The following TG variants were observed in gnomAD, a reference collection of about 807,000 sequenced individuals.
The protein encoded by TG is thyroglobulin, also known as thyroid hormones.
In TG, 270 loss-of-function variants were observed where a neutral mutation model predicts 324.7. The observed-to-expected ratio is 0.83, with a 90% confidence interval of 0.75 to 0.92. The LOEUF (loss-of-function observed/expected upper bound fraction) is 0.92. Among genes scored for constraint, TG ranks in the 40% least tolerant of loss-of-function variants. The probability of loss-of-function intolerance (pLI) is 0.00; values close to 1 mark genes in which losing one functional copy is unlikely to be tolerated. For synonymous variants in TG, 1,401 were observed against 1,327.0 expected (o/e 1.06, Z -1.21); for missense variants, 3,591 against 3,456.4 (o/e 1.04, Z -0.98).
intron 41 of TG, 66 bp from the exon 42 acceptor site, chr8:133,094,978 G>C: frequency 6.2e-7 from 1 of 1,608,068 alleles, no homozygotes; most frequent in Admixed American, 1.7e-5. Context: ...TGGCACTGAG[G>C]ACTCCAGGTG....
intron 22 of TG, 89 bp downstream of exon 22, chr8:132,923,597 G>T (rs1821410655): frequency 1.4e-6 from 2 of 1,437,958 alleles, no homozygotes; most frequent in Admixed American, 5.0e-5. Flanking sequence ...AGCTGGAGGT[G>T]CATTTGTCTC....
chr8:133,062,670 C>T (rs564997090), intron 41 of TG, among the ~76,000 whole-genome samples: 1 of 151,736 alleles, frequency 6.6e-6, no homozygotes, highest in Admixed American at 6.6e-5. Context: ...AGAGGCCGCT[C>T]TGCACAGGCC....
intron 41 of TG, among the ~76,000 whole-genome samples, chr8:133,042,940 C>G (rs961875828): frequency 4.6e-5 from 7 of 151,342 alleles, no homozygotes; most frequent in African/African-American, 1.7e-4. Context: ...GCGATCCGCC[C>G]ACCTCAGCCT....
intron 43 of TG, among the ~76,000 whole-genome samples, chr8:133,109,192 A>G (rs1850068587): frequency 6.6e-6 from 1 of 152,130 alleles, no homozygotes; most frequent in Admixed American, 6.5e-5. Flanking sequence ...ATTTTCTATT[A>G]TAATCTGATT....
chr8:132,980,973 G>A (rs934920848), intron 34 of TG, among the ~76,000 whole-genome samples: 2 of 152,166 alleles, frequency 1.3e-5, no homozygotes, highest in Non-Finnish European at 2.9e-5. Flanking sequence ...GCCAGCAGAA[G>A]ACTTTATGCT....
intron 43 of TG, among the ~76,000 whole-genome samples, chr8:133,101,067 A>G (rs561302186): frequency 4.6e-5 from 7 of 152,220 alleles, no homozygotes; most frequent in South Asian, 2.1e-4. Context: ...TCTGACCCCA[A>G]TTGCAGGGCA....
chr8:133,117,937 A>C (rs1850830316), intron 45 of TG, among the ~76,000 whole-genome samples: 1 of 152,196 alleles, frequency 6.6e-6, no homozygotes, highest in Non-Finnish European at 1.5e-5. Context: ...CTACAAAATA[A>C]GACTAAAGTT....
chr8:133,028,443 G>A (rs1477831607), intron 40 of TG, among the ~76,000 whole-genome samples: 1 of 152,198 alleles, frequency 6.6e-6, no homozygotes, highest in East Asian at 1.9e-4. Flanking sequence ...GCTAAGTGGA[G>A]TGCTCAGGCA....
In TG at chr8:132,886,117, A is replaced by G. The variant is rs1341973630; in HGVS notation, c.1076-331A>G. Among the ~76,000 whole-genome samples the G allele has an allele frequency of 3.3e-5, 5 of 152,126 alleles. No individual in the cohort carries two copies. In the East Asian group the frequency reaches 9.6e-4, roughly 29 times the overall value. On this transcript the variant is annotated intron_variant, in intron 8 of 47. Coordinates refer to ENST00000220616, the MANE Select transcript of TG (RefSeq NM_003235.5). ...ACATCATGTCTGTGTGTGGTGGGGG[A>G]CACTATTCACCTGAGTACCATTGGC...
chr8:132,973,102 C>T (rs1829753101), intron 34 of TG, among the ~76,000 whole-genome samples: 1 of 152,182 alleles, frequency 6.6e-6, no homozygotes, highest in Non-Finnish European at 1.5e-5. Context: ...TTTGGTCCCA[C>T]CTGGGCTTAG....
chr8:132,935,987 C>T (rs1823526348), intron 25 of TG, 123 bp downstream of exon 25: 6 of 766,692 alleles, frequency 7.8e-6, no homozygotes, highest in East Asian at 5.3e-5. Context: ...TCCACACCCT[C>T]AGTCTGGCTT....
In TG at chr8:133,040,220, C is replaced by T. The variant is rs570522948; in HGVS notation, c.7239+10197C>T. ...GCCTGAGACACTCTCCAGTGCAGCT[C>T]CCTGGCTGCTGCCATGGGGAACTGG... On this transcript the variant is annotated intron_variant, in intron 41 of 47. Transcript: ENST00000220616. The T allele has an allele frequency of 8.6e-6, 12 of 1,392,808 alleles. No homozygotes were observed. The Admixed American group carries it at 1.7e-4, about 20-fold the overall frequency. The allele number at this position is 1,392,808 out of a possible 1,614,324, so 86.3% of individuals were successfully genotyped here. A position where few individuals can be genotyped will look rare whatever the true frequency, so the allele number is the denominator to read the frequency against.
At chr8:132,995,114 G>A in intron 35 of TG, 1 of 971,870 alleles carries the variant, frequency 1.0e-6, no homozygotes. Context: ...CACAGAGCCT[G>A]GTGCTGGGCA....
chr8:132,891,929 T>C (rs1816292465), intron 10 of TG, among the ~76,000 whole-genome samples: 2 of 152,204 alleles, frequency 1.3e-5, no homozygotes, highest in Non-Finnish European at 2.9e-5. Context: ...GGGTGGATTT[T>C]GCTAAGTGAC....
chr8:133,000,406 G>T (rs566189286), intron 35 of TG, among the ~76,000 whole-genome samples: 1 of 152,188 alleles, frequency 6.6e-6, no homozygotes, highest in Non-Finnish European at 1.5e-5. Flanking sequence ...TCTGCTTTAC[G>T]GTTCAGGTGG....
rs1212673368 is a variant in TG at position 132,983,677 on chromosome 8, C to G, written c.6262+265C>G. On this transcript the variant is annotated intron_variant, in intron 35 of 47. Coordinates refer to ENST00000220616, the MANE Select transcript of TG (RefSeq NM_003235.5). ...AGCAGAGTAAGACCTAAGTCGCGTTCTCCCAGTTTTCATTTTAAGGATTAT... is the reference window on the plus strand; with the variant it reads ...AGCAGAGTAAGACCTAAGTCGCGTTGTCCCAGTTTTCATTTTAAGGATTAT... The G allele has an allele frequency of 2.2e-5, 12 of 556,556 alleles. No homozygotes were observed. In the Middle Eastern group the frequency reaches 1.5e-3, roughly 68 times the overall value. 34.5% of individuals were successfully genotyped at this position (556,556 alleles called of 1,614,324 possible).
At chr8:132,995,251 A>G (rs1042199784) in intron 35 of TG, 30 of 973,008 alleles carry the variant, frequency 3.1e-5, no homozygotes, top group Non-Finnish European at 3.4e-5. Context: ...ACAAGTTGAG[A>G]TTTGGGTAAA....
At chr8:132,874,483 T>C (rs180878050) in intron 5 of TG, among the ~76,000 whole-genome samples, 1 of 152,302 alleles carries the variant, frequency 6.6e-6, no homozygotes, top group Admixed American at 6.5e-5. Context: ...GAAATATGAA[T>C]ACTAGTCTGC....
chr8:132,966,478 G>T, intron 29 of TG, 82 bp from the exon 30 acceptor site: 2 of 1,445,472 alleles, frequency 1.4e-6, no homozygotes, highest in Non-Finnish European at 9.7e-7. Flanking sequence ...GTGTGTGTGT[G>T]TGTGTGTGTT....
Sources: gnomAD v4.1 joint callset for allele counts (sites outside exome capture counted in the v4.1 genomes callset) on GRCh38, gnomAD v4.1.1 for gene constraint, MANE v1.5 for transcripts, NCBI Gene and HGNC (gene_info 2026-07-23, HGNC 2026-07-21) for gene names.